Variants in FSD2 observed in about 807,000 individuals in gnomAD.
FSD2 encodes the protein fibronectin type III and SPRY domain containing 2, also known as fibronectin type III and SPRY domain-containing protein 2.
FSD2 carries 71 observed loss-of-function variants against 80.4 expected under a neutral mutation model. That is an observed-to-expected ratio of 0.88 (90% CI 0.73 to 1.08). FSD2 has a LOEUF of 1.08. FSD2 is among the 50% of genes least tolerant of loss of function. FSD2 has a pLI of 0.00. For missense variants in FSD2, 923 were observed against 913.8 expected, an observed-to-expected ratio of 1.01 and a Z score of -0.13; for synonymous variants, 361 against 329.5, an observed-to-expected ratio of 1.10 and a Z score of -1.03.
chr15:82,767,810 C>T (rs1331574496), intron 9 of FSD2, among the ~76,000 whole-genome samples: 3 of 152,294 alleles, frequency 2.0e-5, no homozygotes, highest in African/African-American at 4.8e-5. Flanking sequence ...CATATGGCCA[C>T]GTTTCAAGCC....
chr15:82,792,677 C>T (rs776645573), intron 1 of FSD2, among the ~76,000 whole-genome samples: 17 of 152,106 alleles, frequency 1.1e-4, no homozygotes, highest in Non-Finnish European at 1.9e-4. Flanking sequence ...CTTTTGATGT[C>T]ATGTCTAATA....
intron 1 of FSD2, among the ~76,000 whole-genome samples, chr15:82,803,945 T>C (rs1015345724): frequency 9.9e-5 from 15 of 152,220 alleles, no homozygotes; most frequent in African/African-American, 3.6e-4. Context: ...TAACAGTGTC[T>C]ACCTCATAAG....
At chr15:82,762,314 G>T (rs1317872057) in intron 11 of FSD2, 36 bp from the exon 12 acceptor site, 1 of 1,601,732 alleles carries the variant, frequency 6.2e-7, no homozygotes, top group African/African-American at 1.3e-5. Flanking sequence ...GTGATCTGGG[G>T]TGCCCCAAGC....
chr15:82,760,710 G>A lies in FSD2; in HGVS notation c.1998-1110C>T, dbSNP rs796403678. Among the ~76,000 whole-genome samples the A allele has an allele frequency of 6.1e-5, 9 of 146,670 alleles. 1 individual carries two copies. Among genetic ancestry groups the A allele is most frequent in the East Asian group, 2.1e-4 (1 of 4,858 alleles). On this transcript the variant is annotated intron_variant, in intron 12 of 12. Transcript: ENST00000334574. ...GATACCTTACCTTCATTCTCCACTT[G>A]TAACGTGTGTGCACGTGTGTGCGTG...
At chr15:82,776,588 G>C (rs1326143541) in intron 6 of FSD2, among the ~76,000 whole-genome samples, 1 of 152,134 alleles carries the variant, frequency 6.6e-6, no homozygotes, top group Non-Finnish European at 1.5e-5. Flanking sequence ...AATTGAAGCA[G>C]ACACAAAATA....
intron 1 of FSD2, among the ~76,000 whole-genome samples, chr15:82,798,829 A>G (rs1308597948): frequency 1.4e-5 from 2 of 144,294 alleles, no homozygotes; most frequent in African/African-American, 2.6e-5. Context: ...TTCCCAAACT[A>G]TATTTTTAAA....
At chr15:82,766,186 C>T (rs1403791967) in intron 9 of FSD2, among the ~76,000 whole-genome samples, 155 bp from the exon 10 acceptor site, 2 of 152,204 alleles carry the variant, frequency 1.3e-5, no homozygotes, top group Non-Finnish European at 2.9e-5. Flanking sequence ...TGCTGGCTCC[C>T]CCTCTGCATT....
At chr15:82,791,925 T>A (rs2050161619) in intron 1 of FSD2, among the ~76,000 whole-genome samples, 1 of 152,256 alleles carries the variant, frequency 6.6e-6, no homozygotes, top group Admixed American at 6.5e-5. Context: ...CATTCCCTTT[T>A]TAGGACCAGA....
chr15:82,797,754 G>A (rs1019546934), intron 1 of FSD2, among the ~76,000 whole-genome samples: 14 of 152,128 alleles, frequency 9.2e-5, no homozygotes, highest in Non-Finnish European at 1.9e-4. Flanking sequence ...AGGTTGCAGT[G>A]AGCCAAGATC....
chr15:82,779,883 C>T (rs1040100992), intron 5 of FSD2, among the ~76,000 whole-genome samples: 5 of 152,064 alleles, frequency 3.3e-5, no homozygotes, highest in Non-Finnish European at 5.9e-5. Flanking sequence ...CTGTCTGATT[C>T]TAAAATGTGC....
chr15:82,772,137 A>G lies in FSD2; in HGVS notation c.1203T>C (p.Thr401=). Residue 401 remains threonine, a synonymous_variant, in exon 7 of 13, where the codon ACT becomes ACC. Coordinates refer to ENST00000334574, the MANE Select transcript of FSD2 (RefSeq NM_001007122.4). ...GGTAGGACAGCTGATAGCTCTCCAC[A>G]GTGTCGTCGGAGTATAAGCTCCAGC... ...RVCWSLYSDD[T]VESYQLSYRP... is the part of the protein sequence containing the mutation. 6.2e-7 allele frequency: 1 copy of G among 1,610,370 alleles called. No homozygotes were observed. The highest frequency in any genetic ancestry group is 8.5e-7 in the Non-Finnish European group (1 of 1,178,578).
Position 82,756,547 on chromosome 15 carries a change from A to C in FSD2, c.*2801T>G, listed in dbSNP as rs533186609. 6.6e-6 allele frequency: 1 copy of C among 152,372 alleles called. No homozygotes were observed. Among genetic ancestry groups the C allele is most frequent in the South Asian group, 2.1e-4 (1 of 4,828 alleles). 9.4% of individuals were successfully genotyped at this position (152,372 alleles called of 1,614,324 possible). ...TTTATTAAACACACTTTTCTAAATAAAAGTCATTTAATTTTATCAGAAATC... is the reference window on the plus strand; with the variant it reads ...TTTATTAAACACACTTTTCTAAATACAAGTCATTTAATTTTATCAGAAATC... On this transcript the variant is annotated 3_prime_UTR_variant, in exon 13 of 13. Coordinates refer to ENST00000334574, the MANE Select transcript of FSD2 (RefSeq NM_001007122.4).
intron 1 of FSD2, among the ~76,000 whole-genome samples, chr15:82,800,399 G>A (rs2050380481): frequency 6.6e-6 from 1 of 152,042 alleles, no homozygotes; most frequent in South Asian, 2.1e-4. Context: ...AATGATAAAA[G>A]CCCCTCAGTC....
rs375063238 is a variant in FSD2, at chr15:82,759,532, A to G, written c.2066T>C (p.Ile689Thr). The G allele has an allele frequency of 5.0e-5, 81 of 1,609,300 alleles. No individual in the cohort carries two copies. The highest frequency in any genetic ancestry group is 2.7e-4 in the East Asian group (12 of 44,842). The change falls in exon 13 of 13, where the codon ATT (isoleucine) becomes ACT (threonine). Residue 689 changes from isoleucine to threonine, a missense_variant. Transcript: ENST00000334574. Reference sequence around the variant, plus strand: ...ATGTTCATAGTCTAATAGAATGCCAATCTTCTTTGGTGGAACTGTTATTCT... The same window carrying G: ...ATGTTCATAGTCTAATAGAATGCCAGTCTTCTTTGGTGGAACTGTTATTCT... ...DIRITVPPKK[I>T]GILLDYEHSK...
intron 3 of FSD2, among the ~76,000 whole-genome samples, chr15:82,783,383 G>A (rs1343228521): frequency 2.6e-5 from 4 of 152,216 alleles, no homozygotes; most frequent in Admixed American, 2.6e-4. Context: ...ACAGGCAAGA[G>A]CCACCACGCC....
Position 82,765,983 on chromosome 15 carries a change from C to T in FSD2, c.1602G>A (p.Pro534=), listed in dbSNP as rs185951666. The part of the protein sequence containing the change: ...PTCESVVQLQ[P]GRSYIIYVRA... ...GCACATAGATAATGTAGCTCCGCCC[C>T]GGCTGCAGCTGCACCACGGACTCGC... The change falls in exon 10 of 13, where the codon CCG becomes CCA. Residue 534 remains proline (P), a synonymous_variant. Coordinates refer to ENST00000334574, the MANE Select transcript of FSD2 (RefSeq NM_001007122.4). 351 of 1,599,212 alleles carry T rather than the reference C, an allele frequency of 2.2e-4. No homozygotes were observed. Among genetic ancestry groups the T allele is most frequent in the African/African-American group, 1.9e-3 (143 of 74,818 alleles).
chr15:82,760,360 T>G (rs1020916649), intron 12 of FSD2, among the ~76,000 whole-genome samples: 1 of 152,198 alleles, frequency 6.6e-6, no homozygotes, highest in African/African-American at 2.4e-5. Context: ...CAATCAATAC[T>G]ATATCACTAT....
At position 82,769,756 on chromosome 15, in the gene FSD2, T is replaced by G; in HGVS notation, c.1396A>C (p.Met466Leu). The change falls in exon 8 of 13, where the codon ATG becomes CTG. Residue 466 changes from methionine (M) to leucine (L), a missense_variant. By Grantham distance (15) the Met-to-Leu change is conservative (BLOSUM62 2). Coordinates refer to ENST00000334574, the MANE Select transcript of FSD2 (RefSeq NM_001007122.4). ...GAAATGAGTAGCCCATTACCTGTCA[T>G]GTACACTGCACGCTCGCTAGAGGGG... ...PSPSSERAVY[M>L]TAPSPPIIKT... 6.2e-7 allele frequency: 1 copy of G among 1,613,646 alleles called. No individual in the cohort carries two copies. Among genetic ancestry groups the G allele is most frequent in the African/African-American group, 1.3e-5 (1 of 75,052 alleles).
chr15:82,782,828 C>A lies in FSD2; in HGVS notation c.933G>T (p.Glu311Asp), dbSNP rs371280559. 18 of 1,613,318 alleles carry A rather than the reference C, an allele frequency of 1.1e-5. No homozygotes were observed. The highest frequency in any genetic ancestry group is 2.7e-5 in the African/African-American group (2 of 74,882). Residue 311 changes from glutamate to aspartate, a missense_variant, in exon 4 of 13, where the codon GAG becomes GAT. Physicochemically the swap from Glu to Asp is conservative, Grantham distance 45. Coordinates refer to ENST00000334574, the MANE Select transcript of FSD2 (RefSeq NM_001007122.4). ...TCKELMETIEEMCHEEKVDFI... is the reference protein window; with the variant it reads ...TCKELMETIEDMCHEEKVDFI... The stretch of plus-strand genomic sequence containing the variant: ...AATCCACCTTCTCCTCGTGACACAT[C>A]TCCTCTATTGTTTCCATCAGTTCTT...
Sources: allele counts gnomAD v4.1 joint callset (sites outside exome capture counted in the v4.1 genomes callset), GRCh38; gene constraint gnomAD v4.1.1; transcripts MANE v1.5; gene names NCBI Gene and HGNC (gene_info 2026-07-23, HGNC 2026-07-21).